Variants in SMIM7 observed in about 807,000 individuals in gnomAD.
SMIM7 encodes small integral membrane protein 7.
Under a neutral mutation model 13.3 loss-of-function variants are expected in SMIM7, and 12 were observed. The observed-to-expected ratio is 0.90, with a 90% CI of 0.58 to 1.46. SMIM7 has a LOEUF of 1.46. Ranked by LOEUF, SMIM7 falls within the 40% of genes most tolerant of loss-of-function variation. The pLI is 0.00. For missense variants in SMIM7, 114 were observed against 94.8 expected (o/e 1.20, Z -0.84); for synonymous variants, 36 against 35.8 (o/e 1.01, Z -0.02).
At chr19:16,642,203 A>G (rs2086408936), downstream of SMIM7, among the ~76,000 whole-genome samples, 1 of 152,208 alleles carries the variant, frequency 6.6e-6, no homozygotes, top group African/African-American at 2.4e-5. Context: ...GTGCCCATCA[A>G]CTGGGGACTG....
At chr19:16,642,783 G>A (rs1054519979), downstream of SMIM7, among the ~76,000 whole-genome samples, 20 of 150,606 alleles carry the variant, frequency 1.3e-4, no homozygotes, top group East Asian at 3.9e-4. Flanking sequence ...CTCTCATCAC[G>A]CCACCACACT....
At chr19:16,655,780 A>G (rs2086590198) in intron 3 of SMIM7, among the ~76,000 whole-genome samples, 2 of 151,926 alleles carry the variant, frequency 1.3e-5, no homozygotes, top group Non-Finnish European at 2.9e-5. Context: ...TGGTAAGTAC[A>G]GCATACACAA....
In SMIM7 at chr19:16,659,657, T is replaced by G. The variant is rs563235526; in HGVS notation, c.69-210A>C. The G allele has an allele frequency of 9.5e-5, 63 of 661,104 alleles. No individual in the cohort carries two copies. The East Asian group carries it at 1.7e-3, about 17-fold the overall frequency. The allele number at this position is 661,104 out of a possible 1,614,324, so 41.0% of individuals were successfully genotyped here. A position where few individuals can be genotyped will look rare whatever the true frequency, so the allele number is the denominator to read the frequency against. On this transcript the variant is annotated intron_variant, in intron 2 of 4. Transcript: ENST00000487416. ...CAGCAGCCACCGACCGTTTACAAAGTGGCCCGACAGTGCGGGTGCAGGGCG... is the reference window on the plus strand; with the variant it reads ...CAGCAGCCACCGACCGTTTACAAAGGGGCCCGACAGTGCGGGTGCAGGGCG...
chr19:16,635,246 C>G (rs1021535122), intron 4 of SMIM7: 3 of 151,744 alleles, frequency 2.0e-5, no homozygotes, highest in African/African-American at 7.3e-5. Flanking sequence ...GCCTGTAATC[C>G]CAGCTACTCA....
At chr19:16,632,812 G>C (rs954911605) in intron 4 of SMIM7, among the ~76,000 whole-genome samples, 1 of 152,064 alleles carries the variant, frequency 6.6e-6, no homozygotes, top group South Asian at 2.1e-4. Context: ...GATTACAGGC[G>C]TGAGCCACCA....
intron 4 of SMIM7, among the ~76,000 whole-genome samples, chr19:16,632,052 TAG>T (rs2122480458): frequency 6.6e-6 from 1 of 151,984 alleles, no homozygotes; most frequent in Admixed American, 6.6e-5. Flanking sequence ...GTATTTTTAG[TAG>T]AGACAGGGTT....
At chr19:16,630,919 C>A (rs2086317274) in exon 5 of SMIM7, 1 of 152,152 alleles carries the variant, frequency 6.6e-6, no homozygotes. Context: ...ACATCCTTGC[C>A]AGGGATCCTG....
At chr19:16,660,059 T>TCCCAGCCTA (rs1174867270) in intron 1 of SMIM7, 26 bp downstream of exon 1, 32 of 1,614,186 alleles carry the variant, frequency 2.0e-5, no homozygotes, top group Non-Finnish European at 2.7e-5. Flanking sequence ...GGCTCTCTCT[T>TCCCAGCCTA]CCCAGCCTCT....
At chr19:16,633,274 T>C (rs915082126) in intron 4 of SMIM7, among the ~76,000 whole-genome samples, 1 of 151,584 alleles carries the variant, frequency 6.6e-6, no homozygotes, top group Non-Finnish European at 1.5e-5. Context: ...CTGGCTAACA[T>C]GATGAAACCC....
At chr19:16,641,089 G>A (rs1368866765), downstream of SMIM7, 7 of 152,152 alleles carry the variant, frequency 4.6e-5, no homozygotes, top group African/African-American at 1.7e-4. Flanking sequence ...GGCTTTGGGA[G>A]GGAAGGGACA....
At chr19:16,639,884 A>G (rs1036410539) in intron 4 of SMIM7, 3 of 152,068 alleles carry the variant, frequency 2.0e-5, no homozygotes, top group Non-Finnish European at 4.4e-5. Flanking sequence ...CCAGCCGTGC[A>G]TAACTGTGAG....
exon 5 of SMIM7, chr19:16,630,814 A>G (rs893166639): frequency 6.6e-6 from 1 of 152,256 alleles, no homozygotes; most frequent in East Asian, 1.9e-4. Flanking sequence ...AGATTAAATC[A>G]GACAGCCTCT....
At chr19:16,652,649 A>G in intron 4 of SMIM7, 2 of 1,364,688 alleles carry the variant, frequency 1.5e-6, no homozygotes, top group Non-Finnish European at 1.9e-6. Flanking sequence ...CCTTGTGATG[A>G]GGGTGAAATG....
chr19:16,647,080 G>T lies in SMIM7; in HGVS notation c.*166C>A. The T allele has an allele frequency of 1.3e-6, 1 of 780,498 alleles. No homozygotes were observed. Among genetic ancestry groups the T allele is most frequent in the Non-Finnish European group, 2.1e-6 (1 of 470,448 alleles). The allele number at this position is 780,498 out of a possible 1,614,324, so 48.3% of individuals were successfully genotyped here. ...TATCTTTGAAAACAGGGACGTGGCT[G>T]GGAAACCATGCACACCTCGGCGAAC... On this transcript the variant is annotated 3_prime_UTR_variant, in exon 5 of 5. Coordinates refer to ENST00000487416, the MANE Select transcript of SMIM7 (RefSeq NM_024104.4).
chr19:16,648,564 CAAAG>C (rs780146384), intron 4 of SMIM7, among the ~76,000 whole-genome samples: 1 of 152,176 alleles, frequency 6.6e-6, no homozygotes, highest in Non-Finnish European at 1.5e-5. Flanking sequence ...CGAGAATACA[CAAAG>C]AACCCTTATG....
intron 4 of SMIM7, chr19:16,634,439 CCA>C: frequency 6.6e-6 from 1 of 152,306 alleles, no homozygotes; most frequent in South Asian, 2.1e-4. Context: ...CTGGAAGTTA[CCA>C]CACAGCCCAG....
chr19:16,639,360 G>C (rs2086387739), intron 4 of SMIM7, among the ~76,000 whole-genome samples: 1 of 152,042 alleles, frequency 6.6e-6, no homozygotes, highest in South Asian at 2.1e-4. Context: ...CTGACCTCAT[G>C]ATCTGCCCGC....
At chr19:16,656,878 AAC>A (rs1285221224) in intron 3 of SMIM7, among the ~76,000 whole-genome samples, 1 of 151,960 alleles carries the variant, frequency 6.6e-6, no homozygotes, top group Non-Finnish European at 1.5e-5. Flanking sequence ...CAGCCTGGGC[AAC>A]AGAGAGAGGC....
At chr19:16,657,132 G>A (rs919993004) in intron 3 of SMIM7, among the ~76,000 whole-genome samples, 3 of 152,130 alleles carry the variant, frequency 2.0e-5, no homozygotes, top group South Asian at 2.1e-4. Flanking sequence ...TGCCTGGCAC[G>A]CATGACGCTC....
Sources: allele counts gnomAD v4.1 joint callset (sites outside exome capture counted in the v4.1 genomes callset), GRCh38; gene constraint gnomAD v4.1.1; transcripts MANE v1.5; gene names NCBI Gene and HGNC (gene_info 2026-07-23, HGNC 2026-07-21).